The following EEFSEC variants were observed in gnomAD, a reference collection of about 807,000 sequenced individuals.
EEFSEC encodes selenocysteine-specific elongation factor.
Under a neutral mutation model 42.1 loss-of-function variants are expected in EEFSEC, and 43 were observed. The ratio of observed to expected loss-of-function variants is 1.02; its 90% CI spans 0.80 to 1.32. The LOEUF is 1.32. Ranked by LOEUF, EEFSEC falls within the 40% of genes most tolerant of loss-of-function variation. The pLI, the probability that EEFSEC is intolerant of heterozygous loss-of-function variation, is 0.00. For missense variants in EEFSEC, 745 were observed against 803.6 expected (o/e 0.93, Z 0.88); for synonymous variants, 354 against 339.1 (o/e 1.04, Z -0.48).
rs771817001 is a variant in EEFSEC, at chr3:128,274,615, C to T, written c.786+9834C>T. Among the ~76,000 whole-genome samples the T allele has an allele frequency of 6.6e-5, 10 of 152,310 alleles. 1 individual carries two copies. The South Asian group carries it at 1.2e-3, about 19-fold the overall frequency. ...GCAGCTGTAGCACCCTACAAGTTGTCGTATGAAAACCACTCTAACTTATAC... is the reference window on the plus strand; with the variant it reads ...GCAGCTGTAGCACCCTACAAGTTGTTGTATGAAAACCACTCTAACTTATAC... On this transcript the variant is annotated intron_variant, in intron 4 of 6. Coordinates refer to ENST00000254730, the MANE Select transcript of EEFSEC (RefSeq NM_021937.5).
In EEFSEC at chr3:128,341,423, G is replaced by A. The variant is rs1024839369; in HGVS notation, c.977G>A (p.Arg326Gln). The A allele has an allele frequency of 2.7e-5, 44 of 1,614,002 alleles. No homozygotes were observed. Among genetic ancestry groups the A allele is most frequent in the Non-Finnish European group, 3.2e-5 (38 of 1,180,034 alleles). Residue 326 changes from arginine (R) to glutamine (Q), a missense_variant, in exon 5 of 7, where the codon CGG (arginine) becomes CAG (glutamine). Physicochemically the swap from Arg to Gln is conservative, Grantham distance 43. Coordinates refer to ENST00000254730, the MANE Select transcript of EEFSEC (RefSeq NM_021937.5). ...TCTGTGGAAAAGATACCGTATTTCC[G>A]GGGGCCCCTGCAAACCAAGGCCAAG... ...LISVEKIPYFRGPLQTKAKFH... is the reference protein window; with the variant it reads ...LISVEKIPYFQGPLQTKAKFH...
At chr3:128,161,553 C>T (rs1378352530) in intron 1 of EEFSEC, among the ~76,000 whole-genome samples, 1 of 152,082 alleles carries the variant, frequency 6.6e-6, no homozygotes, top group East Asian at 1.9e-4. Flanking sequence ...AGGAGGGCTG[C>T]AAAAGACTTC....
rs569889399 is a variant in EEFSEC at position 128,161,439 on chromosome 3, G to A, written c.316+7616G>A. ...CTTTTGTTTCGGTTGTTAATGAACA[G>A]CACTGCTACTTGTCGCCTGGACCTC... is the stretch of plus-strand genomic sequence containing the variant. On this transcript the variant is annotated intron_variant, in intron 1 of 6. Coordinates refer to ENST00000254730, the MANE Select transcript of EEFSEC (RefSeq NM_021937.5). Among the ~76,000 whole-genome samples the A allele has an allele frequency of 1.5e-3, 234 of 152,288 alleles. 2 individuals carry two copies. Among genetic ancestry groups the A allele is most frequent in the Middle Eastern group, 3.4e-3 (1 of 294 alleles).
intron 4 of EEFSEC, among the ~76,000 whole-genome samples, chr3:128,288,009 A>G (rs1028357612): frequency 6.9e-6 from 1 of 145,904 alleles, no homozygotes; most frequent in East Asian, 2.2e-4. Flanking sequence ...GTATGAGAAC[A>G]GATAGACCTG....
At chr3:128,201,087 CTATT>C (rs759928309) in intron 1 of EEFSEC, among the ~76,000 whole-genome samples, 9 of 152,286 alleles carry the variant, frequency 5.9e-5, no homozygotes, top group Admixed American at 1.3e-4. Flanking sequence ...TTTAAACAGA[CTATT>C]TATTTAACCT....
intron 1 of EEFSEC, among the ~76,000 whole-genome samples, chr3:128,226,237 A>G (rs1317936592): frequency 2.0e-5 from 3 of 152,234 alleles, no homozygotes; most frequent in Non-Finnish European, 4.4e-5. Flanking sequence ...CGTAAGCCAC[A>G]TAAAGGAGGA....
intron 1 of EEFSEC, among the ~76,000 whole-genome samples, chr3:128,177,078 C>T (rs2065357260): frequency 6.6e-6 from 1 of 151,896 alleles, no homozygotes; most frequent in African/African-American, 2.4e-5. Context: ...CTCACTGCAA[C>T]CTCCGCTTCC....
chr3:128,401,689 AG>A (rs2068049600), intron 6 of EEFSEC, among the ~76,000 whole-genome samples: 1 of 152,192 alleles, frequency 6.6e-6, no homozygotes, highest in Admixed American at 6.5e-5. Context: ...TGGTGGAGCC[AG>A]GTCTAGATGT....
At chr3:128,203,234 AT>A (rs2065660318) in intron 1 of EEFSEC, among the ~76,000 whole-genome samples, 1 of 152,222 alleles carries the variant, frequency 6.6e-6, no homozygotes, top group Admixed American at 6.5e-5. Context: ...TCCTAATGGA[AT>A]TTGTTGACGG....
At chr3:128,268,936 A>G (rs545889970) in intron 4 of EEFSEC, among the ~76,000 whole-genome samples, 1 of 152,284 alleles carries the variant, frequency 6.6e-6, no homozygotes, top group East Asian at 1.9e-4. Context: ...TGAATTTTGC[A>G]TGGAAAGGAC....
At chr3:128,192,101 A>G (rs1190531395) in intron 1 of EEFSEC, among the ~76,000 whole-genome samples, 1 of 152,218 alleles carries the variant, frequency 6.6e-6, no homozygotes. Context: ...TGTGTGTGGC[A>G]TTGTGATGGA....
Position 128,341,567 on chromosome 3 carries a change from T to G in EEFSEC, c.1121T>G (p.Leu374Arg). 6.2e-7 allele frequency: 1 copy of G among 1,614,050 alleles called. No homozygotes were observed. ...LDSFNFSQEYLFQEQYLSKDL... is the reference protein window; with the variant it reads ...LDSFNFSQEYRFQEQYLSKDL... ...TCTTTCAACTTCTCTCAAGAATACC[T>G]TTTCCAGGAGCAGTACCTGTCCAAG... Residue 374 changes from leucine (L) to arginine (R), a missense_variant, in exon 5 of 7, where the codon CTT becomes CGT. Physicochemically the swap from Leu to Arg is moderately radical, Grantham distance 102. Coordinates refer to ENST00000254730, the MANE Select transcript of EEFSEC (RefSeq NM_021937.5).
chr3:128,305,944 G>A (rs1011522818), intron 4 of EEFSEC, among the ~76,000 whole-genome samples: 7 of 152,256 alleles, frequency 4.6e-5, no homozygotes, highest in African/African-American at 9.6e-5. Flanking sequence ...TTTGAGCACC[G>A]TTTTAGTTGC....
At chr3:128,377,673 ATC>A (rs1008674971) in intron 6 of EEFSEC, among the ~76,000 whole-genome samples, 13 of 152,314 alleles carry the variant, frequency 8.5e-5, no homozygotes, top group African/African-American at 2.9e-4. Context: ...CTGTCTATAA[ATC>A]TCTGTTTTAA....
At chr3:128,374,176 G>A (rs1329352186) in intron 6 of EEFSEC, among the ~76,000 whole-genome samples, 1 of 152,184 alleles carries the variant, frequency 6.6e-6, no homozygotes, top group Non-Finnish European at 1.5e-5. Flanking sequence ...ATGCACCATC[G>A]GTGCCCAGTG....
chr3:128,292,520 A>G lies in EEFSEC; in HGVS notation c.786+27739A>G, dbSNP rs111834867. 6.7e-3 allele frequency among the ~76,000 whole-genome samples: 1,020 copies of G among 151,602 alleles called. 13 individuals carry two copies. The highest frequency in any genetic ancestry group is 0.023 in the African/African-American group (972 of 41,420). ...ATGATGTATATTATATATGATTCAG[A>G]TTTTTATTCTTGTGTGTGTTTTGTT... On this transcript the variant is annotated intron_variant, in intron 4 of 6. Transcript: ENST00000254730.
chr3:128,307,026 G>A (rs2066834994), intron 4 of EEFSEC, among the ~76,000 whole-genome samples: 1 of 152,234 alleles, frequency 6.6e-6, no homozygotes, highest in East Asian at 1.9e-4. Context: ...GGACTTAATT[G>A]GAACCAGACT....
In EEFSEC at chr3:128,333,302, C is replaced by G. The variant is rs565330950; in HGVS notation, c.787-7931C>G. ...TGATTCTGTAAAATGCTGGAGGGAC[C>G]CCCCAACACTGCTGTTCCTTTAAAG... On this transcript the variant is annotated intron_variant, in intron 4 of 6. Coordinates refer to ENST00000254730, the MANE Select transcript of EEFSEC (RefSeq NM_021937.5). Among the ~76,000 whole-genome samples, 5 of 152,304 alleles carry G rather than the reference C, an allele frequency of 3.3e-5. No individual in the cohort carries two copies. In the East Asian group the frequency reaches 9.6e-4, roughly 29 times the overall value.
chr3:128,386,806 TCA>T (rs781206245), intron 6 of EEFSEC, among the ~76,000 whole-genome samples: 1 of 152,084 alleles, frequency 6.6e-6, no homozygotes, highest in Non-Finnish European at 1.5e-5. Context: ...TCACATGGAC[TCA>T]CAGAGCGAGA....
Sources: allele counts gnomAD v4.1 joint callset (sites outside exome capture counted in the v4.1 genomes callset), GRCh38; gene constraint gnomAD v4.1.1; transcripts MANE v1.5; gene names NCBI Gene and HGNC (gene_info 2026-07-23, HGNC 2026-07-21).